The following FBN2 variants were observed in gnomAD, a reference collection of about 807,000 sequenced individuals.
FBN2 encodes the protein fibrillin-2.
In FBN2, 105 loss-of-function variants were observed where a neutral mutation model predicts 355.6. The ratio of observed to expected loss-of-function variants is 0.30; its 90% CI spans 0.25 to 0.35. The LOEUF is 0.35. Among genes scored for constraint, FBN2 ranks in the 10% least tolerant of loss-of-function variants. The pLI is 1.00. For synonymous variants in FBN2, 1,350 were observed against 1,301.2 expected (o/e 1.04, Z -0.81); for missense variants, 3,280 against 3,758.7 (o/e 0.87, Z 3.33).
chr5:128,484,167 A>T (rs1342131072), intron 5 of FBN2, among the ~76,000 whole-genome samples: 1 of 152,294 alleles, frequency 6.6e-6, no homozygotes, highest in Non-Finnish European at 1.5e-5. Context: ...TCTCATTCAT[A>T]TCTCTCTCAG....
chr5:128,419,292 G>A (rs754806936), intron 7 of FBN2, among the ~76,000 whole-genome samples: 6 of 152,062 alleles, frequency 3.9e-5, no homozygotes, highest in African/African-American at 1.4e-4. Context: ...TCCAGTCCGG[G>A]TAACTTTTAT....
intron 62 of FBN2, 84 bp downstream of exon 62, chr5:128,271,915 T>C: frequency 1.3e-6 from 2 of 1,525,784 alleles, no homozygotes; most frequent in East Asian, 2.3e-5. Context: ...TATACTGAAA[T>C]CTCAACCCTC....
At chr5:128,349,497 G>A in intron 22 of FBN2, 25 bp from the exon 23 acceptor site, 2 of 1,612,676 alleles carry the variant, frequency 1.2e-6, no homozygotes, top group Non-Finnish European at 1.7e-6. Flanking sequence ...AGCAAGCAGA[G>A]GAGCAAAGAT....
intron 8 of FBN2, among the ~76,000 whole-genome samples, chr5:128,406,519 G>A (rs1752931522): frequency 6.6e-6 from 1 of 151,972 alleles, no homozygotes; most frequent in Admixed American, 6.6e-5. Flanking sequence ...TATCTGAATT[G>A]CTAGCATCAA....
intron 11 of FBN2, among the ~76,000 whole-genome samples, chr5:128,382,430 G>A (rs1375667593): frequency 6.6e-6 from 1 of 152,042 alleles, no homozygotes; most frequent in Admixed American, 6.6e-5. Flanking sequence ...TAGTATTCCT[G>A]TTATCTTTTC....
intron 48 of FBN2, among the ~76,000 whole-genome samples, chr5:128,300,091 G>A (rs1202104166): frequency 6.6e-6 from 1 of 152,070 alleles, no homozygotes; most frequent in Non-Finnish European, 1.5e-5. Flanking sequence ...ATATCTTTAG[G>A]TAGAATCTTG....
At position 128,377,839 on chromosome 5, in the gene FBN2, T is replaced by A. The variant is rs920865883; in HGVS notation, c.1762A>T (p.Asn588Tyr). The change falls in exon 13 of 65, where the codon AAC becomes TAC. Residue 588 changes from asparagine to tyrosine, a missense_variant. By Grantham distance (143) the Asn-to-Tyr change is moderately radical. Coordinates refer to ENST00000262464, the MANE Select transcript of FBN2 (RefSeq NM_001999.4). Reference sequence around the variant, plus strand: ...CCATCTGTGTTCACGCATCGACCGTTTTTACAAAGAACCCCATTCTGGATG... The same window carrying A: ...CCATCTGTGTTCACGCATCGACCGTATTTACAAAGAACCCCATTCTGGATG... Reference protein sequence around the residue: ...ECIQNGVLCKNGRCVNTDGSF... With the variant: ...ECIQNGVLCKYGRCVNTDGSF... 6.2e-7 allele frequency: 1 copy of A among 1,613,436 alleles called. No individual in the cohort carries two copies. The highest frequency in any genetic ancestry group is 8.5e-7 in the Non-Finnish European group (1 of 1,179,612).
Position 128,384,581 on chromosome 5 carries a change from T to C in FBN2, c.1604-5691A>G, listed in dbSNP as rs565904251. On this transcript the variant is annotated intron_variant, in intron 11 of 64. Coordinates refer to ENST00000262464, the MANE Select transcript of FBN2 (RefSeq NM_001999.4). Reference sequence around the variant, plus strand: ...TTTTAGGAGTCATGAACACCTATGATATAAGGTGTTGTGAACTCTGTGGCT... The same window carrying C: ...TTTTAGGAGTCATGAACACCTATGACATAAGGTGTTGTGAACTCTGTGGCT... Among the ~76,000 whole-genome samples the C allele has an allele frequency of 4.6e-5, 7 of 152,222 alleles. No homozygotes were observed. In the East Asian group the frequency reaches 1.2e-3, roughly 25 times the overall value.
At chr5:128,346,167 T>C (rs1235925043) in intron 23 of FBN2, among the ~76,000 whole-genome samples, 1 of 152,220 alleles carries the variant, frequency 6.6e-6, no homozygotes, top group Non-Finnish European at 1.5e-5. Context: ...TGTCACATTT[T>C]CCCTCCAACT....
chr5:128,437,783 TA>T (rs1399752095), intron 7 of FBN2, among the ~76,000 whole-genome samples: 4 of 86,956 alleles, frequency 4.6e-5, no homozygotes, highest in Non-Finnish European at 6.9e-5. Flanking sequence ...TATAGATAGA[TA>T]GATAGATAGA....
chr5:128,416,213 T>C (rs892672240), intron 7 of FBN2, among the ~76,000 whole-genome samples: 5 of 152,016 alleles, frequency 3.3e-5, no homozygotes, highest in Admixed American at 6.6e-5. Context: ...TTAGTAGAGA[T>C]GGGGTTTCTC....
intron 5 of FBN2, among the ~76,000 whole-genome samples, chr5:128,510,163 T>C (rs1467706087): frequency 6.6e-6 from 1 of 152,042 alleles, no homozygotes; most frequent in Non-Finnish European, 1.5e-5. Flanking sequence ...AGCACAGGAG[T>C]GTTCAATCTT....
chr5:128,479,358 A>T (rs1013186867), intron 5 of FBN2, among the ~76,000 whole-genome samples: 1 of 152,172 alleles, frequency 6.6e-6, no homozygotes, highest in Non-Finnish European at 1.5e-5. Flanking sequence ...TGCAGGGTAG[A>T]GGAAATAGTG....
chr5:128,306,477 C>T (rs1303927915), intron 42 of FBN2, among the ~76,000 whole-genome samples: 2 of 151,978 alleles, frequency 1.3e-5, no homozygotes, highest in African/African-American at 2.4e-5. Context: ...AAAAAATTAG[C>T]CGGGTGTGGT....
chr5:128,439,524 G>A (rs1037537350), intron 7 of FBN2, among the ~76,000 whole-genome samples: 6 of 152,080 alleles, frequency 3.9e-5, no homozygotes, highest in African/African-American at 1.4e-4. Context: ...ATGTTTTTGC[G>A]AGTCACTGGT....
Position 128,300,391 on chromosome 5 carries a change from A to T in FBN2, c.6166+426T>A, listed in dbSNP as rs552556749. 8.5e-5 allele frequency among the ~76,000 whole-genome samples: 13 copies of T among 152,320 alleles called. 2 individuals are homozygous for T. The East Asian group carries it at 1.9e-3, about 23-fold the overall frequency. On this transcript the variant is annotated intron_variant, in intron 48 of 64. Coordinates refer to ENST00000262464, the MANE Select transcript of FBN2 (RefSeq NM_001999.4). Reference sequence around the variant, plus strand: ...ATGGATTAATATTTGCTGCTTTGACATGAGGCCTTCCCAAGAAAAAGAATG... The same window carrying T: ...ATGGATTAATATTTGCTGCTTTGACTTGAGGCCTTCCCAAGAAAAAGAATG...
chr5:128,345,490 A>G lies in FBN2; in HGVS notation c.3084T>C (p.Ala1028=), dbSNP rs756926922. 3 of 1,614,212 alleles carry G rather than the reference A, an allele frequency of 1.9e-6. No homozygotes were observed. The Admixed American group carries it at 5.0e-5, about 27-fold the overall frequency. The change falls in exon 24 of 65, where the codon GCT becomes GCC. Residue 1028 remains alanine (A), a synonymous_variant. Transcript: ENST00000262464. ...ACTCGGTGCCCCAAGCCGCCCCGAC[A>G]GCACAGCAGCAGGCATCCATGCGGA... ...GKFRMDACCC[A]VGAAWGTECE...
chr5:128,434,771 T>C (rs1348643041), intron 7 of FBN2, among the ~76,000 whole-genome samples: 1 of 152,102 alleles, frequency 6.6e-6, no homozygotes, highest in Non-Finnish European at 1.5e-5. Context: ...AATAAAAATT[T>C]ATCGAGCAAT....
At chr5:128,318,822 G>A in intron 35 of FBN2, 57 bp downstream of exon 35, 1 of 1,580,810 alleles carries the variant, frequency 6.3e-7, no homozygotes, top group South Asian at 1.1e-5. Flanking sequence ...TTTATGCTTA[G>A]CACAGAATAC....
Sources: allele counts gnomAD v4.1 joint callset (sites outside exome capture counted in the v4.1 genomes callset), GRCh38; gene constraint gnomAD v4.1.1; transcripts MANE v1.5; gene names NCBI Gene and HGNC (gene_info 2026-07-23, HGNC 2026-07-21).